The following PPP2R5C variants were observed in gnomAD, a reference collection of about 807,000 sequenced individuals.
PPP2R5C encodes protein phosphatase 2 regulatory subunit B'gamma, also known as serine/threonine-protein phosphatase 2A 56 kDa regulatory subunit gamma isoform.
PPP2R5C carries 7 observed loss-of-function variants against 68.9 expected under a neutral mutation model. The ratio of observed to expected loss-of-function variants is 0.10; its 90% CI spans 0.06 to 0.19. PPP2R5C has a LOEUF of 0.19. Ranked by LOEUF, PPP2R5C falls within the 10% of genes least tolerant of loss-of-function variation. The probability of loss-of-function intolerance (pLI) is 1.00; values close to 1 mark genes in which losing one functional copy is unlikely to be tolerated. For synonymous variants in PPP2R5C, 210 were observed against 222.2 expected, an observed-to-expected ratio of 0.95 and a Z score of 0.49; for missense variants, 348 against 641.3, an observed-to-expected ratio of 0.54 and a Z score of 4.94.
At chr14:101,927,118 TGATA>T (rs2047316118) in exon 14 of PPP2R5C, 2 of 152,210 alleles carry the variant, frequency 1.3e-5, no homozygotes, top group African/African-American at 4.8e-5. Flanking sequence ...CGTCTTTAGC[TGATA>T]GATTCTCAAA....
At chr14:101,864,632 ACTAG>A (rs2042948200) in intron 2 of PPP2R5C, among the ~76,000 whole-genome samples, 1 of 152,146 alleles carries the variant, frequency 6.6e-6, no homozygotes, top group African/African-American at 2.4e-5. Context: ...GTGCTTCAGG[ACTAG>A]CTGGCTCAGT....
At chr14:101,885,994 A>T (rs1222551504) in intron 5 of PPP2R5C, among the ~76,000 whole-genome samples, 1 of 152,252 alleles carries the variant, frequency 6.6e-6, no homozygotes, top group African/African-American at 2.4e-5. Context: ...TAAGAAGTAG[A>T]AAATGGGCCG....
intron 3 of PPP2R5C, among the ~76,000 whole-genome samples, chr14:101,798,602 A>G (rs994255639): frequency 4.6e-5 from 7 of 152,262 alleles, no homozygotes; most frequent in African/African-American, 1.7e-4. Flanking sequence ...CCAAAAAAAT[A>G]TGAAATAATT....
upstream of PPP2R5C, among the ~76,000 whole-genome samples, chr14:101,761,555 T>C (rs1214853292): frequency 7.4e-6 from 1 of 134,658 alleles, no homozygotes; most frequent in Non-Finnish European, 1.6e-5. Context: ...GGCAGGGCGC[T>C]GTTGAGTGCA....
chr14:101,792,462 GTTC>G (rs1240948533), intron 3 of PPP2R5C, among the ~76,000 whole-genome samples: 1 of 152,156 alleles, frequency 6.6e-6, no homozygotes, highest in Non-Finnish European at 1.5e-5. Context: ...TTACTCTAAC[GTTC>G]TTCTGAAAGC....
chr14:101,890,700 T>C (rs115421346), intron 6 of PPP2R5C, among the ~76,000 whole-genome samples: 2,422 of 151,948 alleles, frequency 0.016, 65 homozygotes, highest in African/African-American at 0.056. Context: ...TATATGTATA[T>C]TTATAAAATA....
chr14:101,847,627 A>G (rs2041912223), intron 1 of PPP2R5C, among the ~76,000 whole-genome samples: 1 of 147,892 alleles, frequency 6.8e-6, no homozygotes, highest in Non-Finnish European at 1.5e-5. Context: ...AATACTTCCT[A>G]GTGATGCAGG....
At chr14:101,858,389 T>C (rs1401846551) in intron 2 of PPP2R5C, among the ~76,000 whole-genome samples, 3 of 152,274 alleles carry the variant, frequency 2.0e-5, no homozygotes, top group Admixed American at 6.5e-5. Context: ...ATGTGATATT[T>C]AGGTAGAAGC....
intron 8 of PPP2R5C, among the ~76,000 whole-genome samples, chr14:101,900,612 A>G (rs1315687375): frequency 6.6e-6 from 1 of 152,250 alleles, no homozygotes; most frequent in East Asian, 1.9e-4. Flanking sequence ...TAAGATGGCT[A>G]AACTCTAAAA....
chr14:101,917,966 C>T lies in PPP2R5C; in HGVS notation c.1443+19C>T, dbSNP rs763733088. ...TCATCAGGTAAAAGTGCACCGAGCT[C>T]AGCTGGGCACCCATGACTGATTTGC... On this transcript the variant is annotated intron_variant, in intron 13 of 13. Transcript: ENST00000334743. The surrounding 1 kb of genome is among the most constrained non-coding windows in gnomAD (Gnocchi z 4.4). 18 of 1,613,592 alleles carry T rather than the reference C, an allele frequency of 1.1e-5. No individual in the cohort carries two copies. In the East Asian group the frequency reaches 3.3e-4, roughly 30 times the overall value.
Position 101,917,735 on chromosome 14 carries a change from G to T in PPP2R5C, c.1327-96G>T. 3 of 1,546,576 alleles carry T rather than the reference G, an allele frequency of 1.9e-6. No homozygotes were observed. The highest frequency in any genetic ancestry group is 2.3e-5 in the East Asian group (1 of 44,024). ...GGGCTTCCTGCGGGAGAGGGCCCTG[G>T]GGGGCGGCAGGGGAGATGAGTCCCT... is the stretch of plus-strand genomic sequence containing the variant. On this transcript the variant is annotated intron_variant, in intron 12 of 13. Coordinates refer to ENST00000334743, the Ensembl canonical transcript of PPP2R5C. The surrounding 1 kb of genome is among the most constrained non-coding windows in gnomAD (Gnocchi z 4.4).
At chr14:101,761,624 C>CGGGGGGGGGTGGGAGGAGAGG (rs1336409637), upstream of PPP2R5C, among the ~76,000 whole-genome samples, 1 of 5,410 alleles carries the variant, frequency 1.8e-4, no homozygotes, top group African/African-American at 3.2e-4. Flanking sequence ...GGCGGCCGGC[C>CGGGGGGGGGTGGGAGGAGAGG]GGGGGGTGGG....
chr14:101,795,960 C>A (rs2038587768), intron 3 of PPP2R5C, among the ~76,000 whole-genome samples: 1 of 152,100 alleles, frequency 6.6e-6, no homozygotes, highest in Non-Finnish European at 1.5e-5. Context: ...GTAGCTGGGA[C>A]CACAGGTGCG....
chr14:101,925,259 A>G (rs751741865), exon 14 of PPP2R5C: 1 of 1,613,078 alleles, frequency 6.2e-7, no homozygotes, highest in Non-Finnish European at 8.5e-7. Context: ...CTGGCCTCCC[A>G]GGACGGCCGC....
intron 1 of PPP2R5C, among the ~76,000 whole-genome samples, chr14:101,847,663 C>CTTTTT (rs3043777): frequency 5.5e-5 from 7 of 128,280 alleles, no homozygotes; most frequent in Admixed American, 8.0e-5. Context: ...TGGGGCTGCT[C>CTTTTT]TTTTTTTTTT....
intron 2 of PPP2R5C, among the ~76,000 whole-genome samples, chr14:101,875,106 G>C (rs1240493532): frequency 3.9e-5 from 6 of 152,216 alleles, no homozygotes; most frequent in Admixed American, 3.9e-4. Context: ...TGTAAAAATA[G>C]CAAGTTATTC....
In PPP2R5C at chr14:101,913,174, CTGATTA is replaced by C. The variant is rs750650512; in HGVS notation, c.1326+703_1326+708del. Among the ~76,000 whole-genome samples the C allele has an allele frequency of 2.6e-5, 4 of 152,186 alleles. No homozygotes were observed. The highest frequency in any genetic ancestry group is 4.4e-5 in the Non-Finnish European group (3 of 68,040). ...GACAGTTTCTTCACGTTCTGTGTGC[CTGATTA>C]TAACAGTGCCTCTTAAAAAGAAAAT... On this transcript the variant is annotated intron_variant, in intron 12 of 13. Coordinates refer to ENST00000334743, the Ensembl canonical transcript of PPP2R5C. This position sits in a 1 kb window ranked among gnomAD's most constrained non-coding sequence, Gnocchi z 4.1.
At chr14:101,830,539 A>C (rs771594910) in intron 1 of PPP2R5C, among the ~76,000 whole-genome samples, 2 of 152,208 alleles carry the variant, frequency 1.3e-5, no homozygotes, top group Admixed American at 6.5e-5. Context: ...TTTGGACAGC[A>C]GGTCCACAGC....
chr14:101,868,296 GGTTT>G (rs1375378206), intron 2 of PPP2R5C, among the ~76,000 whole-genome samples: 3 of 152,024 alleles, frequency 2.0e-5, no homozygotes, highest in Admixed American at 6.6e-5. Context: ...GTTTTTTAGA[GGTTT>G]GTTTGTTCTT....
Sources: allele counts gnomAD v4.1 joint callset (sites outside exome capture counted in the v4.1 genomes callset), GRCh38; gene constraint gnomAD v4.1.1; non-coding constraint Gnocchi (gnomAD v3.1); transcripts MANE v1.5; gene names NCBI Gene and HGNC (gene_info 2026-07-23, HGNC 2026-07-21).